The following AKAP13 variants were observed in gnomAD, a reference collection of about 807,000 sequenced individuals.
The protein encoded by AKAP13 is A-kinase anchor protein 13.
Under a neutral mutation model 264.5 loss-of-function variants are expected in AKAP13, and 80 were observed. The observed-to-expected ratio is 0.30, with a 90% CI of 0.25 to 0.36. AKAP13 has a LOEUF of 0.36. AKAP13 is among the 10% of genes least tolerant of loss of function. The pLI, the probability that AKAP13 is intolerant of heterozygous loss-of-function variation, is 1.00. For synonymous variants in AKAP13, 1,380 were observed against 1,250.2 expected, an observed-to-expected ratio of 1.10 and a Z score of -2.19; for missense variants, 3,712 against 3,435.2, an observed-to-expected ratio of 1.08 and a Z score of -2.01.
At chr15:85,499,198 G>A (rs1251708051) in intron 2 of AKAP13, among the ~76,000 whole-genome samples, 1 of 152,114 alleles carries the variant, frequency 6.6e-6, no homozygotes. Context: ...ATAATATCAA[G>A]GTGTGTACTA....
At chr15:85,652,601 C>G (rs2082906517) in intron 10 of AKAP13, among the ~76,000 whole-genome samples, 2 of 152,150 alleles carry the variant, frequency 1.3e-5, no homozygotes, top group Admixed American at 6.5e-5. Flanking sequence ...CTTCCTAGGG[C>G]TGCTGTAACA....
At chr15:85,401,512 A>G (rs917918941) in intron 1 of AKAP13, among the ~76,000 whole-genome samples, 5 of 152,222 alleles carry the variant, frequency 3.3e-5, no homozygotes, top group African/African-American at 1.2e-4. Flanking sequence ...CTTAAATCTC[A>G]GAAGTGTGCC....
chr15:85,733,562 G>T (rs1265649256), intron 30 of AKAP13, among the ~76,000 whole-genome samples: 1 of 152,064 alleles, frequency 6.6e-6, no homozygotes, highest in Non-Finnish European at 1.5e-5. Flanking sequence ...TGTTCCCTTT[G>T]CTTTGGTCTT....
intron 5 of AKAP13, among the ~76,000 whole-genome samples, chr15:85,552,338 A>G (rs1185766149): frequency 1.3e-5 from 2 of 152,190 alleles, no homozygotes; most frequent in Non-Finnish European, 2.9e-5. Flanking sequence ...TTTCAGTAAC[A>G]TGTTCTAGAA....
intron 15 of AKAP13, among the ~76,000 whole-genome samples, chr15:85,683,221 C>T (rs1191048595): frequency 6.6e-6 from 1 of 152,064 alleles, no homozygotes; most frequent in Non-Finnish European, 1.5e-5. Context: ...ATACCATTTC[C>T]CCCTTATCTT....
chr15:85,401,036 A>G (rs940087336), intron 1 of AKAP13, among the ~76,000 whole-genome samples: 1 of 151,698 alleles, frequency 6.6e-6, no homozygotes, highest in African/African-American at 2.4e-5. Flanking sequence ...TTATTTTCAT[A>G]TTTTTATTGG....
chr15:85,587,178 C>A (rs2079396117), intron 8 of AKAP13, among the ~76,000 whole-genome samples: 1 of 152,168 alleles, frequency 6.6e-6, no homozygotes, highest in South Asian at 2.1e-4. Flanking sequence ...CTCTTCCCTC[C>A]CCCAGCTCAT....
intron 1 of AKAP13, among the ~76,000 whole-genome samples, chr15:85,471,389 G>A (rs1304639531): frequency 6.6e-6 from 1 of 152,106 alleles, no homozygotes; most frequent in African/African-American, 2.4e-5. Flanking sequence ...CAGCTACTCC[G>A]GAGGCTGAGG....
intron 17 of AKAP13, among the ~76,000 whole-genome samples, chr15:85,697,755 A>G (rs1204756875): frequency 1.3e-5 from 2 of 152,254 alleles, no homozygotes; most frequent in Non-Finnish European, 2.9e-5. Context: ...ATAATTGTTT[A>G]TAAAGGAATA....
intron 17 of AKAP13, chr15:85,701,194 T>G (rs1475508837): frequency 6.6e-6 from 1 of 152,184 alleles, no homozygotes; most frequent in Non-Finnish European, 1.5e-5. Flanking sequence ...TTTTTTAATA[T>G]GAAGTCACCC....
At position 85,669,726 on chromosome 15, in the gene AKAP13, G is replaced by A. The variant is rs756336119; in HGVS notation, c.4997G>A (p.Cys1666Tyr). 1 of 1,607,786 alleles carries A rather than the reference G, an allele frequency of 6.2e-7. No homozygotes were observed. Among genetic ancestry groups the A allele is most frequent in the South Asian group, 1.1e-5 (1 of 90,916 alleles). ...REHRMFDQQI[C>Y]HRSKQQGFNY... ...CTTCACTTTTTTACTTCACAGATAT[G>A]TCACAGATCTAAGCAGCAGGGATTT... The change falls in exon 14 of 37, where the codon TGT becomes TAT. Residue 1666 changes from cysteine (C) to tyrosine (Y), a missense_variant. Around this residue, in one of 3 missense-constraint regions of AKAP13, gnomAD observed 2,759 missense variants for 2,411.7 expected, o/e 1.14. Coordinates refer to ENST00000394518, the MANE Select transcript of AKAP13 (RefSeq NM_007200.5).
At chr15:85,505,673 T>C (rs1270201143) in intron 2 of AKAP13, among the ~76,000 whole-genome samples, 1 of 152,202 alleles carries the variant, frequency 6.6e-6, no homozygotes, top group Non-Finnish European at 1.5e-5. Flanking sequence ...TCGTGTTGCA[T>C]GAGATACTTT....
intron 13 of AKAP13, among the ~76,000 whole-genome samples, chr15:85,668,162 T>C (rs2083709466): frequency 6.6e-6 from 1 of 152,212 alleles, no homozygotes; most frequent in African/African-American, 2.4e-5. Context: ...ACCTCACAGT[T>C]GTATTTGAAA....
intron 15 of AKAP13, among the ~76,000 whole-genome samples, chr15:85,683,000 T>A (rs2084686627): frequency 6.6e-6 from 1 of 152,122 alleles, no homozygotes; most frequent in Admixed American, 6.5e-5. Flanking sequence ...TCTGACTCAT[T>A]ATTTTTATTT....
chr15:85,552,574 T>C (rs777700368), intron 5 of AKAP13, among the ~76,000 whole-genome samples: 1 of 152,104 alleles, frequency 6.6e-6, no homozygotes, highest in Non-Finnish European at 1.5e-5. Flanking sequence ...TCCTAACACT[T>C]TTAAAAATAC....
intron 3 of AKAP13, among the ~76,000 whole-genome samples, chr15:85,532,833 C>G (rs1324759051): frequency 1.3e-5 from 2 of 152,212 alleles, no homozygotes. Flanking sequence ...TCCTGAGGTG[C>G]CTGCCAGTCT....
chr15:85,618,971 T>G (rs1183157905), intron 8 of AKAP13, among the ~76,000 whole-genome samples: 3 of 152,214 alleles, frequency 2.0e-5, no homozygotes. Flanking sequence ...TGCTTTGCAT[T>G]TGGCAGGGAG....
Position 85,478,303 on chromosome 15 carries a change from A to T in AKAP13, c.-11-7407A>T, listed in dbSNP as rs547789855. The stretch of plus-strand genomic sequence containing the variant: ...ATTATAAATATATGTCAAGAAAAAG[A>T]TAACCTAAACACGGAAAAGATTATA... On this transcript the variant is annotated intron_variant, in intron 1 of 36. Transcript: ENST00000394518. Among the ~76,000 whole-genome samples the T allele has an allele frequency of 2.6e-5, 4 of 152,296 alleles. No individual in the cohort carries two copies. The South Asian group carries it at 8.3e-4, about 32-fold the overall frequency.
intron 13 of AKAP13, among the ~76,000 whole-genome samples, chr15:85,665,548 C>CTT (rs752428377): frequency 1.1e-4 from 17 of 152,154 alleles, no homozygotes; most frequent in Non-Finnish European, 2.4e-4. Context: ...TATTTTTACA[C>CTT]TTTAAGTTCT....
Sources: gnomAD v4.1 joint callset for allele counts (sites outside exome capture counted in the v4.1 genomes callset) on GRCh38, gnomAD v4.1.1 for gene constraint, gnomAD v4.1.1 regional missense constraint, MANE v1.5 for transcripts, NCBI Gene and HGNC (gene_info 2026-07-23, HGNC 2026-07-21) for gene names.